Variants in GRIP1 observed in about 807,000 individuals in gnomAD.
GRIP1 encodes glutamate receptor-interacting protein 1.
In GRIP1, 45 loss-of-function variants were observed where a neutral mutation model predicts 129.9. That is an observed-to-expected ratio of 0.35 (90% CI 0.27 to 0.44). GRIP1 has a LOEUF of 0.44. GRIP1 is among the 20% of genes least tolerant of loss of function. The probability of loss-of-function intolerance (pLI) is 1.00; values close to 1 mark genes in which losing one functional copy is unlikely to be tolerated. For synonymous variants in GRIP1, 530 were observed against 520.8 expected, an observed-to-expected ratio of 1.02 and a Z score of -0.24; for missense variants, 1,196 against 1,396.8, an observed-to-expected ratio of 0.86 and a Z score of 2.29.
At chr12:66,864,398 C>A (rs1036777319) in intron 1 of GRIP1, among the ~76,000 whole-genome samples, 8 of 152,088 alleles carry the variant, frequency 5.3e-5, no homozygotes, top group African/African-American at 1.9e-4. Flanking sequence ...ATAATATGAT[C>A]TGACCATATA....
At chr12:66,981,024 T>C (rs1424948002) in intron 1 of GRIP1, among the ~76,000 whole-genome samples, 1 of 152,142 alleles carries the variant, frequency 6.6e-6, no homozygotes, top group Non-Finnish European at 1.5e-5. Context: ...GGCAGAGAGG[T>C]TAAGTATTTT....
At chr12:66,498,090 C>A (rs1376621483) in intron 7 of GRIP1, among the ~76,000 whole-genome samples, 1 of 152,182 alleles carries the variant, frequency 6.6e-6, no homozygotes, top group Non-Finnish European at 1.5e-5. Context: ...CTACCCAAAT[C>A]CTATAAAACT....
chr12:66,664,757 AT>A (rs1231988340), intron 1 of GRIP1, among the ~76,000 whole-genome samples: 2 of 152,206 alleles, frequency 1.3e-5, no homozygotes, highest in Non-Finnish European at 2.9e-5. Context: ...CAGTATCTCA[AT>A]TATGATAAGC....
chr12:66,667,076 A>G (rs967370325), intron 1 of GRIP1, among the ~76,000 whole-genome samples: 2 of 152,110 alleles, frequency 1.3e-5, no homozygotes, highest in Non-Finnish European at 2.9e-5. Flanking sequence ...ATCTGAAAAC[A>G]TGTTTGAATT....
intron 1 of GRIP1, among the ~76,000 whole-genome samples, chr12:67,008,753 C>T (rs1193752250): frequency 6.6e-6 from 1 of 152,106 alleles, no homozygotes; most frequent in Non-Finnish European, 1.5e-5. Context: ...GCTAAAGAAA[C>T]TATAGATGCT....
chr12:66,569,108 T>C (rs897465542), intron 2 of GRIP1: 2 of 230,440 alleles, frequency 8.7e-6, no homozygotes, highest in African/African-American at 2.4e-5. Context: ...GAGTTTCAGT[T>C]TTCTTTCTCT....
intron 1 of GRIP1, among the ~76,000 whole-genome samples, chr12:66,625,540 G>A (rs1461443413): frequency 6.6e-6 from 1 of 152,130 alleles, no homozygotes; most frequent in Non-Finnish European, 1.5e-5. Flanking sequence ...ACCATAGTGA[G>A]TATAAGTGAT....
chr12:66,900,374 T>C (rs890293295), intron 1 of GRIP1, among the ~76,000 whole-genome samples: 2 of 152,132 alleles, frequency 1.3e-5, no homozygotes, highest in African/African-American at 4.8e-5. Flanking sequence ...CCTTCTACTA[T>C]GTTAGGACAG....
chr12:66,457,858 C>T (rs1296014439), intron 9 of GRIP1, among the ~76,000 whole-genome samples: 2 of 152,172 alleles, frequency 1.3e-5, no homozygotes, highest in African/African-American at 2.4e-5. Flanking sequence ...TACTCAGCCA[C>T]TCTAAACCTG....
chr12:66,647,138 AAC>A, intron 1 of GRIP1, among the ~76,000 whole-genome samples: 1 of 152,168 alleles, frequency 6.6e-6, no homozygotes, highest in African/African-American at 2.4e-5. Context: ...TGAGTGCAGT[AAC>A]TGCCCAGATG....
chr12:66,502,296 G>A (rs1201230987), intron 7 of GRIP1, among the ~76,000 whole-genome samples: 5 of 152,090 alleles, frequency 3.3e-5, no homozygotes, highest in African/African-American at 1.2e-4. Context: ...GGCCCTTAGA[G>A]AAAAATTTAT....
At chr12:66,554,918 G>A (rs1280749712) in intron 2 of GRIP1, among the ~76,000 whole-genome samples, 5 of 152,128 alleles carry the variant, frequency 3.3e-5, no homozygotes, top group Admixed American at 3.3e-4. Flanking sequence ...CTGACTCCAG[G>A]ACCTGGCTCC....
chr12:66,799,333 A>G (rs997414176), intron 1 of GRIP1, among the ~76,000 whole-genome samples: 2 of 152,194 alleles, frequency 1.3e-5, no homozygotes, highest in Non-Finnish European at 2.9e-5. Context: ...TCATAAAACA[A>G]GCAAGTTTGC....
chr12:66,715,170 A>T (rs2136417890), intron 1 of GRIP1, among the ~76,000 whole-genome samples: 1 of 152,146 alleles, frequency 6.6e-6, no homozygotes, highest in South Asian at 2.1e-4. Flanking sequence ...TGCCAAGGGC[A>T]TAAACATTTA....
At chr12:66,825,966 C>A (rs900081094) in intron 1 of GRIP1, among the ~76,000 whole-genome samples, 8 of 151,992 alleles carry the variant, frequency 5.3e-5, no homozygotes, top group African/African-American at 1.9e-4. Context: ...GGATATATAC[C>A]CAAAGGATTA....
chr12:66,720,062 T>C (rs2036013328), intron 1 of GRIP1, among the ~76,000 whole-genome samples: 2 of 152,184 alleles, frequency 1.3e-5, no homozygotes, highest in Admixed American at 1.3e-4. Flanking sequence ...TTATAAATGC[T>C]GACTTATCTA....
At chr12:67,003,814 GCATT>G (rs1427115954) in intron 1 of GRIP1, among the ~76,000 whole-genome samples, 1 of 152,086 alleles carries the variant, frequency 6.6e-6, no homozygotes, top group Non-Finnish European at 1.5e-5. Flanking sequence ...AAATAGACAT[GCATT>G]AATTTCCTGA....
intron 1 of GRIP1, among the ~76,000 whole-genome samples, chr12:66,914,284 AT>A (rs1244376143): frequency 6.6e-6 from 1 of 152,140 alleles, no homozygotes; most frequent in Non-Finnish European, 1.5e-5. Context: ...TTTGCTACCT[AT>A]TTTGCTGTTG....
intron 7 of GRIP1, among the ~76,000 whole-genome samples, chr12:66,477,293 A>G (rs2059647032): frequency 6.6e-6 from 1 of 152,066 alleles, no homozygotes; most frequent in Non-Finnish European, 1.5e-5. Context: ...TTCAAAGAGA[A>G]TAAAATACCT....
Sources: gnomAD v4.1 joint callset for allele counts (sites outside exome capture counted in the v4.1 genomes callset) on GRCh38, gnomAD v4.1.1 for gene constraint, MANE v1.5 for transcripts, NCBI Gene and HGNC (gene_info 2026-07-23, HGNC 2026-07-21) for gene names.